The following LRRC7 variants were observed in gnomAD, a reference collection of about 807,000 sequenced individuals.
LRRC7 encodes the protein leucine-rich repeat-containing protein 7.
Under a neutral mutation model 175.7 loss-of-function variants are expected in LRRC7, and 23 were observed. The observed-to-expected ratio is 0.13, with a 90% CI of 0.09 to 0.19. The LOEUF is 0.19. LRRC7 is among the 10% of genes least tolerant of loss of function. The probability of loss-of-function intolerance (pLI) is 1.00; values close to 1 mark genes in which losing one functional copy is unlikely to be tolerated. For synonymous variants in LRRC7, 685 were observed against 680.9 expected (o/e 1.01, Z -0.09); for missense variants, 1,354 against 1,904.7 (o/e 0.71, Z 5.38).
intron 1 of LRRC7, among the ~76,000 whole-genome samples, chr1:69,628,748 A>G (rs1265518182): frequency 6.6e-6 from 1 of 152,188 alleles, no homozygotes; most frequent in Non-Finnish European, 1.5e-5. Flanking sequence ...AATCAAGACA[A>G]TGTTGGTATT....
At chr1:69,824,515 A>G (rs899098310) in intron 4 of LRRC7, among the ~76,000 whole-genome samples, 2 of 152,082 alleles carry the variant, frequency 1.3e-5, no homozygotes, top group African/African-American at 4.8e-5. Context: ...GGACCGCATG[A>G]TTTCTGGTGA....
In LRRC7 at chr1:69,824,622, G is replaced by A. The variant is rs1040106259; in HGVS notation, c.422-1126G>A. On this transcript the variant is annotated intron_variant, in intron 4 of 26. Transcript: ENST00000651989. The stretch of plus-strand genomic sequence containing the variant: ...GGCAGTGGATAAGTGACCTGTCCTG[G>A]ATTTGACTACCCTGCTGCTTCAAGG... Among the ~76,000 whole-genome samples, 5 of 152,088 alleles carry A rather than the reference G, an allele frequency of 3.3e-5. No homozygotes were observed. The East Asian group carries it at 9.6e-4, about 29-fold the overall frequency.
chr1:69,575,242 A>T (rs1318716122), intron 1 of LRRC7, among the ~76,000 whole-genome samples: 1 of 152,194 alleles, frequency 6.6e-6, no homozygotes. Context: ...ACTGTCTGCC[A>T]GTAAAACCAC....
At chr1:69,812,096 A>G (rs541541912) in intron 4 of LRRC7, among the ~76,000 whole-genome samples, 27 of 152,264 alleles carry the variant, frequency 1.8e-4, no homozygotes, top group African/African-American at 5.3e-4. Context: ...GGAGCTTACA[A>G]TGATGCTTTA....
chr1:69,637,053 A>G (rs1403339225), intron 1 of LRRC7, among the ~76,000 whole-genome samples: 2 of 138,906 alleles, frequency 1.4e-5, no homozygotes, highest in African/African-American at 5.1e-5. Flanking sequence ...CTCTCTCTTC[A>G]CTTCCTTCGC....
intron 4 of LRRC7, among the ~76,000 whole-genome samples, chr1:69,824,096 A>G (rs1679618219): frequency 6.6e-6 from 1 of 152,198 alleles, no homozygotes. Context: ...TTTTTCTTAA[A>G]ATCATATTTT....
chr1:69,781,828 AGG>A, intron 3 of LRRC7, among the ~76,000 whole-genome samples: 1 of 106,752 alleles, frequency 9.4e-6, no homozygotes, highest in Non-Finnish European at 1.9e-5. Context: ...GAAGGAAGGA[AGG>A]AAGGAAGGAA....
intron 1 of LRRC7, 22 bp downstream of exon 1, chr1:69,568,663 C>G (rs1245627957): frequency 7.6e-7 from 1 of 1,323,080 alleles, no homozygotes; most frequent in Admixed American, 2.1e-5. Context: ...ACGCTCGCTC[C>G]GTGGCGGAGG....
intron 7 of LRRC7, among the ~76,000 whole-genome samples, chr1:69,871,153 T>C (rs1015640901): frequency 3.3e-5 from 5 of 152,120 alleles, no homozygotes; most frequent in African/African-American, 1.2e-4. Context: ...TAAAGATTTA[T>C]GTATTGATCA....
rs1442530782 is a variant in LRRC7 at position 69,776,127 on chromosome 1, A to G, written c.303+15734A>G. ...CAGCTTGGGGAAGGTTCTCAGCCTC[A>G]GTTTCTCTCCTATGTAAACTGGAGA... On this transcript the variant is annotated intron_variant, in intron 3 of 26. Coordinates refer to ENST00000651989, the MANE Select transcript of LRRC7 (RefSeq NM_001370785.2). Among the ~76,000 whole-genome samples the G allele has an allele frequency of 3.9e-5, 6 of 152,286 alleles. No individual in the cohort carries two copies. In the East Asian group the frequency reaches 1.2e-3, roughly 29 times the overall value.
rs113910356 is a variant in LRRC7 at position 70,073,714 on chromosome 1, C to T, written c.4231-2363C>T. ...CAATTAAACTGCCAGTTGTCACTTC[C>T]GCTGGTTCAAGCACTGGCTGAAGAC... is the stretch of plus-strand genomic sequence containing the variant. On this transcript the variant is annotated intron_variant, in intron 23 of 26. Transcript: ENST00000651989. Among the ~76,000 whole-genome samples the T allele has an allele frequency of 3.9e-5, 6 of 152,290 alleles. 1 individual carries two copies. Among genetic ancestry groups the T allele is most frequent in the Admixed American group, 2.0e-4 (3 of 15,300 alleles).
chr1:70,044,081 T>C lies in LRRC7; in HGVS notation c.4097T>C (p.Leu1366Pro). Residue 1366 changes from leucine to proline, a missense_variant, in exon 22 of 27, where the codon CTA becomes CCA. Physicochemically the swap from Leu to Pro is moderately conservative, Grantham distance 98. This residue lies in a region of LRRC7 where 1,032 missense variants were observed against 1,227.2 expected (regional missense o/e 0.84). Coordinates refer to ENST00000651989, the MANE Select transcript of LRRC7 (RefSeq NM_001370785.2). ...AAGTCTAAATTTGATCATCAAGAAC[T>C]ACCTCTTCAGAAAGTAAGTATGGAC... Reference protein sequence around the residue: ...QTKSKFDHQELPLQKTPSQQS... With the variant: ...QTKSKFDHQEPPLQKTPSQQS... 6.2e-7 allele frequency: 1 copy of C among 1,612,978 alleles called. No homozygotes were observed.
Position 69,888,589 on chromosome 1 carries a change from C to T in LRRC7, c.648-42918C>T, listed in dbSNP as rs539832308. ...AATCACCCGTCTTCTGCGTCGCTCA[C>T]GCTGGGAGCTGTATACCGGAGCTGT... On this transcript the variant is annotated intron_variant, in intron 7 of 26. Transcript: ENST00000651989. Among the ~76,000 whole-genome samples the T allele has an allele frequency of 1.2e-4, 19 of 152,278 alleles. 1 individual carries two copies. The highest frequency in any genetic ancestry group is 5.8e-4 in the East Asian group (3 of 5,168).
rs150313464 is a variant in LRRC7 at position 69,893,845 on chromosome 1, C to T, written c.648-37662C>T. 3.9e-4 allele frequency among the ~76,000 whole-genome samples: 59 copies of T among 152,004 alleles called. No individual in the cohort carries two copies. In the East Asian group the frequency reaches 0.011, roughly 28 times the overall value. ...TTTTTTTTTTAGTCCTCTCAATGAG[C>T]TCTTGGTTTTGAGGAAGAGATATTC... On this transcript the variant is annotated intron_variant, in intron 7 of 26. Transcript: ENST00000651989.
intron 1 of LRRC7, among the ~76,000 whole-genome samples, chr1:69,618,545 CAG>C (rs928686981): frequency 6.6e-6 from 1 of 152,132 alleles, no homozygotes; most frequent in Non-Finnish European, 1.5e-5. Context: ...CTTAGACTCT[CAG>C]AGACAATTGT....
chr1:70,029,053 G>A (rs963354068), intron 18 of LRRC7, among the ~76,000 whole-genome samples: 1 of 152,070 alleles, frequency 6.6e-6, no homozygotes, highest in Non-Finnish European at 1.5e-5. Flanking sequence ...ACATCTGTAA[G>A]TTCACGTAAC....
chr1:69,830,965 A>G (rs12758978), intron 5 of LRRC7, among the ~76,000 whole-genome samples: 57,450 of 151,724 alleles, frequency 0.38, 13,020 homozygotes, highest in East Asian at 0.55. Flanking sequence ...AAAATGTTCT[A>G]TGTAATAAGC....
intron 23 of LRRC7, 85 bp downstream of exon 23, chr1:70,053,230 A>G: frequency 8.0e-7 from 1 of 1,246,914 alleles, no homozygotes; most frequent in Non-Finnish European, 1.1e-6. Context: ...GTCTTATCAT[A>G]ATTTCTAAGT....
At chr1:69,646,160 T>A (rs1032787629) in intron 1 of LRRC7, among the ~76,000 whole-genome samples, 1 of 152,096 alleles carries the variant, frequency 6.6e-6, no homozygotes, top group Non-Finnish European at 1.5e-5. Flanking sequence ...ATACATGCCG[T>A]ATGTTTTTAA....
Sources: gnomAD v4.1 joint callset for allele counts (sites outside exome capture counted in the v4.1 genomes callset) on GRCh38, gnomAD v4.1.1 for gene constraint, gnomAD v4.1.1 regional missense constraint, MANE v1.5 for transcripts, NCBI Gene and HGNC (gene_info 2026-07-23, HGNC 2026-07-21) for gene names.